ERBB4: variants seen among roughly 807,000 people sequenced by gnomAD.
ERBB4 encodes the protein erb-b2 receptor tyrosine kinase 4, also known as receptor tyrosine-protein kinase erbB-4.
Under a neutral mutation model 158.0 loss-of-function variants are expected in ERBB4, and 42 were observed. That is an observed-to-expected ratio of 0.27 (90% CI 0.21 to 0.34). The LOEUF is 0.34. Among genes scored for constraint, ERBB4 ranks in the 10% least tolerant of loss-of-function variants. The pLI, the probability that ERBB4 is intolerant of heterozygous loss-of-function variation, is 1.00. For missense variants in ERBB4, 1,333 were observed against 1,624.1 expected, an observed-to-expected ratio of 0.82 and a Z score of 3.08; for synonymous variants, 583 against 558.7, an observed-to-expected ratio of 1.04 and a Z score of -0.61.
At chr2:212,393,946 A>T (rs1387643378) in intron 1 of ERBB4, among the ~76,000 whole-genome samples, 1 of 152,160 alleles carries the variant, frequency 6.6e-6, no homozygotes, top group Non-Finnish European at 1.5e-5. Context: ...ACTGTTAAGT[A>T]AGGCAACCTT....
chr2:211,936,839 A>AGTAACT (rs2080337446), intron 3 of ERBB4, among the ~76,000 whole-genome samples: 1 of 152,148 alleles, frequency 6.6e-6, no homozygotes, highest in Non-Finnish European at 1.5e-5. Context: ...AACATTTATT[A>AGTAACT]TGCCAAAAAG....
intron 2 of ERBB4, among the ~76,000 whole-genome samples, chr2:212,062,396 A>ATTTTTTTTTTTTTTTTTT (rs1559419685): frequency 9.3e-5 from 9 of 96,534 alleles, no homozygotes; most frequent in Non-Finnish European, 1.4e-4. Context: ...TCACTTGTCA[A>ATTTTTTTTTTTTTTTTTT]TTCTTTTTTT....
At chr2:211,822,505 A>T (rs1398552470) in intron 3 of ERBB4, among the ~76,000 whole-genome samples, 1 of 152,040 alleles carries the variant, frequency 6.6e-6, no homozygotes, top group East Asian at 1.9e-4. Flanking sequence ...ATAACTTTTA[A>T]AAGTCAGACA....
intron 1 of ERBB4, among the ~76,000 whole-genome samples, chr2:212,128,171 G>T (rs948722141): frequency 2.0e-5 from 3 of 152,166 alleles, no homozygotes; most frequent in African/African-American, 7.2e-5. Context: ...TTTGTAGAGT[G>T]ATACGGATGG....
chr2:211,750,761 C>G (rs1044045765), intron 4 of ERBB4, 57 bp from the exon 5 acceptor site: 1 of 1,393,528 alleles, frequency 7.2e-7, no homozygotes, highest in Non-Finnish European at 1.0e-6. Context: ...CACTCCTTGA[C>G]TAGGAGTAAC....
At chr2:211,507,641 T>C (rs2065783650) in intron 20 of ERBB4, among the ~76,000 whole-genome samples, 1 of 151,966 alleles carries the variant, frequency 6.6e-6, no homozygotes. Flanking sequence ...AAATAAGCAA[T>C]GAGGACAGGA....
intron 1 of ERBB4, among the ~76,000 whole-genome samples, chr2:212,352,139 G>A (rs1284017820): frequency 6.6e-6 from 1 of 151,880 alleles, no homozygotes; most frequent in East Asian, 1.9e-4. Context: ...ACAAAAAGAG[G>A]AAGACAACAA....
At chr2:212,383,878 G>C (rs1444392634) in intron 1 of ERBB4, among the ~76,000 whole-genome samples, 1 of 151,526 alleles carries the variant, frequency 6.6e-6, no homozygotes, top group African/African-American at 2.4e-5. Context: ...TAATTTTAAG[G>C]ACCACAGTTT....
chr2:212,112,868 A>T (rs1336117358), intron 2 of ERBB4, among the ~76,000 whole-genome samples: 1 of 152,214 alleles, frequency 6.6e-6, no homozygotes. Context: ...TAATTCCAGT[A>T]TAACAAAATT....
At chr2:211,951,897 C>T (rs907814833) in intron 2 of ERBB4, among the ~76,000 whole-genome samples, 6 of 151,996 alleles carry the variant, frequency 3.9e-5, no homozygotes, top group Non-Finnish European at 8.8e-5. Flanking sequence ...TGAACAAGGC[C>T]ACCCATAAGT....
At chr2:212,060,217 C>A (rs1261723544) in intron 2 of ERBB4, among the ~76,000 whole-genome samples, 1 of 152,160 alleles carries the variant, frequency 6.6e-6, no homozygotes, top group Non-Finnish European at 1.5e-5. Context: ...AAATGCTCAT[C>A]ATGACTGGCC....
At chr2:212,095,661 G>A (rs971053417) in intron 2 of ERBB4, among the ~76,000 whole-genome samples, 7 of 152,136 alleles carry the variant, frequency 4.6e-5, no homozygotes, top group Admixed American at 2.0e-4. Flanking sequence ...GGCCGGGCGC[G>A]GTGGCTCACG....
chr2:212,051,689 C>T (rs77095755), intron 2 of ERBB4, among the ~76,000 whole-genome samples: 1 of 152,090 alleles, frequency 6.6e-6, no homozygotes, highest in Non-Finnish European at 1.5e-5. Context: ...AATGTGGTCA[C>T]TTTCTCCTCA....
intron 20 of ERBB4, among the ~76,000 whole-genome samples, chr2:211,558,193 A>G (rs558607861): frequency 6.6e-6 from 1 of 152,312 alleles, no homozygotes; most frequent in East Asian, 1.9e-4. Flanking sequence ...TCACCAGGCT[A>G]TAAAATCAAG....
intron 2 of ERBB4, among the ~76,000 whole-genome samples, chr2:212,013,807 C>T (rs558395666): frequency 1.3e-5 from 2 of 152,312 alleles, no homozygotes; most frequent in African/African-American, 4.8e-5. Context: ...CAGGCATGCA[C>T]CATCATGCCC....
At chr2:211,473,836 G>T (rs2064889357) in intron 20 of ERBB4, among the ~76,000 whole-genome samples, 1 of 151,960 alleles carries the variant, frequency 6.6e-6, no homozygotes, top group Admixed American at 6.6e-5. Context: ...CCAAATCTGA[G>T]CGAGTAAGAT....
chr2:212,015,087 T>A (rs185444317), intron 2 of ERBB4, among the ~76,000 whole-genome samples: 4,624 of 13,180 alleles, frequency 0.35, 2,060 homozygotes, highest in East Asian at 0.72. Context: ...TATATATATA[T>A]ATATATATAT....
intron 1 of ERBB4, among the ~76,000 whole-genome samples, chr2:212,473,542 C>T (rs1437924976): frequency 1.3e-5 from 2 of 152,080 alleles, no homozygotes; most frequent in African/African-American, 4.8e-5. Context: ...CTTTGTATAT[C>T]ATACTACATA....
At position 211,404,019 on chromosome 2, in the gene ERBB4, C is replaced by A. The variant is rs558189360; in HGVS notation, c.3136-16027G>T. On this transcript the variant is annotated intron_variant, in intron 25 of 27. Transcript: ENST00000342788. The stretch of plus-strand genomic sequence containing the variant: ...GCATACTCAGTTGACAGCAGATATA[C>A]AACGTTAGTATTTACGTAATTATGT... Among the ~76,000 whole-genome samples the A allele has an allele frequency of 7.9e-5, 12 of 152,188 alleles. No individual in the cohort carries two copies. In the South Asian group the frequency reaches 2.3e-3, roughly 29 times the overall value.
Sources: gnomAD v4.1 joint callset for allele counts (sites outside exome capture counted in the v4.1 genomes callset) on GRCh38, gnomAD v4.1.1 for gene constraint, MANE v1.5 for transcripts, NCBI Gene and HGNC (gene_info 2026-07-23, HGNC 2026-07-21) for gene names.